The following RSU1 variants were observed in gnomAD, a reference collection of about 807,000 sequenced individuals.
RSU1 encodes rsu-1.
Under a neutral mutation model 31.1 loss-of-function variants are expected in RSU1, and 26 were observed. That is an observed-to-expected ratio of 0.84 (90% CI 0.61 to 1.16). The LOEUF is 1.16. Among genes scored for constraint, RSU1 ranks in the 50% most tolerant of loss-of-function variants. RSU1 has a pLI of 0.00. For synonymous variants in RSU1, 164 were observed against 136.3 expected, an observed-to-expected ratio of 1.20 and a Z score of -1.41; for missense variants, 320 against 339.1, an observed-to-expected ratio of 0.94 and a Z score of 0.44.
chr10:16,799,768 C>A (rs1838111613), intron 2 of RSU1, among the ~76,000 whole-genome samples: 1 of 152,100 alleles, frequency 6.6e-6, no homozygotes, highest in Admixed American at 6.5e-5. Context: ...CAGAGCCTGA[C>A]CAACAGGAAC....
At chr10:16,764,280 T>C in intron 4 of RSU1, 110 bp downstream of exon 4, 4 of 1,254,522 alleles carry the variant, frequency 3.2e-6, no homozygotes, top group Non-Finnish European at 4.2e-6. Flanking sequence ...AAAAAGAAAT[T>C]AGAAATCCAT....
chr10:16,703,017 G>A (rs180806359), intron 7 of RSU1, among the ~76,000 whole-genome samples: 87 of 152,268 alleles, frequency 5.7e-4, no homozygotes, highest in Non-Finnish European at 9.0e-4. Context: ...TAGTGACAGC[G>A]AGTAATCACA....
intron 7 of RSU1, among the ~76,000 whole-genome samples, chr10:16,722,222 G>T (rs913279178): frequency 2.6e-5 from 4 of 152,138 alleles, no homozygotes; most frequent in African/African-American, 9.7e-5. Flanking sequence ...GCATGTATCA[G>T]AAAAACAGAG....
chr10:16,786,632 C>G (rs983348402), intron 2 of RSU1, among the ~76,000 whole-genome samples: 2 of 152,102 alleles, frequency 1.3e-5, no homozygotes, highest in Non-Finnish European at 2.9e-5. Flanking sequence ...ACTGATTTCA[C>G]TGTCTACTTC....
At chr10:16,759,032 T>C (rs1243394534) in intron 4 of RSU1, among the ~76,000 whole-genome samples, 1 of 152,188 alleles carries the variant, frequency 6.6e-6, no homozygotes, top group Non-Finnish European at 1.5e-5. Flanking sequence ...AGCATCTTTT[T>C]TCCTTGTCTT....
chr10:16,648,181 GTC>G (rs948736923), intron 8 of RSU1, among the ~76,000 whole-genome samples: 2 of 150,402 alleles, frequency 1.3e-5, no homozygotes, highest in Non-Finnish European at 3.0e-5. Flanking sequence ...GCCTAGGCTG[GTC>G]TTGAACTCCT....
chr10:16,609,417 C>A (rs1833858224), intron 8 of RSU1, among the ~76,000 whole-genome samples: 1 of 152,094 alleles, frequency 6.6e-6, no homozygotes, highest in Admixed American at 6.5e-5. Flanking sequence ...CCCCTAGCAT[C>A]CAAGAATCCA....
chr10:16,798,023 G>T (rs148502264), intron 2 of RSU1, among the ~76,000 whole-genome samples: 1 of 151,806 alleles, frequency 6.6e-6, no homozygotes, highest in Non-Finnish European at 1.5e-5. Flanking sequence ...CACCACGCCC[G>T]GCTAATTCTT....
At chr10:16,809,225 T>C (rs1413592948) in intron 2 of RSU1, among the ~76,000 whole-genome samples, 1 of 152,198 alleles carries the variant, frequency 6.6e-6, no homozygotes, top group Non-Finnish European at 1.5e-5. Flanking sequence ...TCCATTTCCT[T>C]TGATTGGAAA....
chr10:16,639,520 A>G (rs1834403229), intron 8 of RSU1, among the ~76,000 whole-genome samples: 1 of 152,248 alleles, frequency 6.6e-6, no homozygotes, highest in Non-Finnish European at 1.5e-5. Flanking sequence ...TAAAGGTAGA[A>G]ACAAATCTAT....
intron 7 of RSU1, among the ~76,000 whole-genome samples, chr10:16,721,179 C>T (rs74125854): frequency 0.12 from 17,535 of 152,162 alleles, 2,533 homozygotes; most frequent in African/African-American, 0.34. Context: ...GAGAACACCA[C>T]AGGCTCTTGA....
intron 8 of RSU1, among the ~76,000 whole-genome samples, chr10:16,605,751 C>T (rs558059800): frequency 5.9e-5 from 9 of 152,280 alleles, no homozygotes; most frequent in Non-Finnish European, 8.8e-5. Flanking sequence ...GGTGGAACTC[C>T]GGTTCCTCCA....
At chr10:16,771,428 G>A (rs75422712) in intron 3 of RSU1, among the ~76,000 whole-genome samples, 2,709 of 152,298 alleles carry the variant, frequency 0.018, 76 homozygotes, top group East Asian at 0.069. Context: ...ATCTCTAGCT[G>A]TAATAACTGG....
intron 7 of RSU1, among the ~76,000 whole-genome samples, chr10:16,736,035 T>C (rs1836617659): frequency 6.6e-6 from 1 of 152,068 alleles, no homozygotes. Flanking sequence ...AACAATACAG[T>C]GGCAATGCTG....
chr10:16,750,864 T>G (rs1367772598), intron 7 of RSU1, among the ~76,000 whole-genome samples: 1 of 93,082 alleles, frequency 1.1e-5, no homozygotes, highest in African/African-American at 7.1e-5. Context: ...AAGATCTCTC[T>G]TTTTTTTTTT....
At chr10:16,613,507 G>C (rs192538489) in intron 8 of RSU1, among the ~76,000 whole-genome samples, 52 of 152,292 alleles carry the variant, frequency 3.4e-4, no homozygotes, top group Admixed American at 4.6e-4. Context: ...GGCATCTTTC[G>C]TTTTGATTAG....
chr10:16,738,585 T>C (rs1284133321), intron 7 of RSU1, among the ~76,000 whole-genome samples: 2 of 151,788 alleles, frequency 1.3e-5, no homozygotes, highest in Non-Finnish European at 2.9e-5. Flanking sequence ...AATAACTCAG[T>C]GAAACTACAA....
chr10:16,817,176 C>G, intron 1 of RSU1, 92 bp from the exon 2 acceptor site: 1 of 904,418 alleles, frequency 1.1e-6, no homozygotes, highest in Non-Finnish European at 1.8e-6. Flanking sequence ...GAGGCTTCCC[C>G]AGGGTTGGAG....
At chr10:16,745,597 G>C (rs1836835887) in intron 7 of RSU1, among the ~76,000 whole-genome samples, 1 of 151,728 alleles carries the variant, frequency 6.6e-6, no homozygotes, top group Non-Finnish European at 1.5e-5. Flanking sequence ...GATCTTGTGA[G>C]ACCCATTCAG....
Sources: allele counts gnomAD v4.1 joint callset (sites outside exome capture counted in the v4.1 genomes callset), GRCh38; gene constraint gnomAD v4.1.1; transcripts MANE v1.5; gene names NCBI Gene and HGNC (gene_info 2026-07-23, HGNC 2026-07-21).